CDH12: variants seen among roughly 807,000 people sequenced by gnomAD.
CDH12 encodes cadherin-12.
CDH12 carries 41 observed loss-of-function variants against 74.1 expected under a neutral mutation model. The ratio of observed to expected loss-of-function variants is 0.55; its 90% confidence interval spans 0.43 to 0.72. CDH12 has a LOEUF of 0.72. Ranked by LOEUF, CDH12 falls within the 30% of genes least tolerant of loss-of-function variation. The pLI is 0.00. For synonymous variants in CDH12, 399 were observed against 355.0 expected, an observed-to-expected ratio of 1.12 and a Z score of -1.39; for missense variants, 945 against 977.2, an observed-to-expected ratio of 0.97 and a Z score of 0.44.
chr5:22,028,087 A>G (rs954518395), intron 5 of CDH12, among the ~76,000 whole-genome samples: 2 of 152,130 alleles, frequency 1.3e-5, no homozygotes, highest in African/African-American at 4.8e-5. Flanking sequence ...GTAGTCATTC[A>G]GGAGCAAGTT....
intron 3 of CDH12, among the ~76,000 whole-genome samples, chr5:22,398,255 A>G (rs1742549805): frequency 6.6e-6 from 1 of 152,084 alleles, no homozygotes; most frequent in African/African-American, 2.4e-5. Flanking sequence ...GGTTCTCAAT[A>G]TGGAAGCTTA....
chr5:21,951,517 G>A (rs2150101200), intron 6 of CDH12, among the ~76,000 whole-genome samples: 1 of 152,260 alleles, frequency 6.6e-6, no homozygotes, highest in East Asian at 1.9e-4. Context: ...CAAAGTGCTG[G>A]GATTACAGGC....
intron 9 of CDH12, among the ~76,000 whole-genome samples, chr5:21,814,626 A>T (rs1338503156): frequency 1.3e-5 from 2 of 151,010 alleles, no homozygotes; most frequent in African/African-American, 4.8e-5. Context: ...GTGTGTGAAT[A>T]TAAAGTAAGT....
chr5:22,150,086 C>T (rs183585836), intron 4 of CDH12, among the ~76,000 whole-genome samples: 72 of 152,196 alleles, frequency 4.7e-4, no homozygotes, highest in African/African-American at 1.6e-3. Flanking sequence ...TACATGGTTT[C>T]AATGATCGTT....
chr5:22,602,719 AC>A (rs1009386818), intron 1 of CDH12, among the ~76,000 whole-genome samples: 1 of 152,128 alleles, frequency 6.6e-6, no homozygotes, highest in Non-Finnish European at 1.5e-5. Flanking sequence ...ACTATGCATT[AC>A]AGTTACTTCT....
Position 21,940,950 on chromosome 5 carries a change from C to A in CDH12, c.526+34141G>T, listed in dbSNP as rs1352467344. ...ATCTGAGATTATAACATAAAACCCA[C>A]AATTTGTCGGTAAACCATCTTTAAA... On this transcript the variant is annotated intron_variant, in intron 6 of 14. Coordinates refer to ENST00000382254, the MANE Select transcript of CDH12 (RefSeq NM_004061.5). Among the ~76,000 whole-genome samples, 3 of 152,098 alleles carry A rather than the reference C, an allele frequency of 2.0e-5. No homozygotes were observed. The East Asian group carries it at 5.8e-4, about 29-fold the overall frequency.
At chr5:22,056,998 C>T (rs898962771) in intron 5 of CDH12, among the ~76,000 whole-genome samples, 17 of 152,114 alleles carry the variant, frequency 1.1e-4, no homozygotes, top group African/African-American at 3.6e-4. Flanking sequence ...AGCAGTTCTG[C>T]ATGTTCACAA....
At chr5:22,846,242 A>T (rs1737296012) in intron 1 of CDH12, among the ~76,000 whole-genome samples, 1 of 152,178 alleles carries the variant, frequency 6.6e-6, no homozygotes, top group African/African-American at 2.4e-5. Flanking sequence ...GTTTTGAACA[A>T]GTTGGGTTTC....
intron 3 of CDH12, among the ~76,000 whole-genome samples, chr5:22,308,907 G>GGA (rs1380028641): frequency 9.7e-5 from 3 of 30,892 alleles, no homozygotes; most frequent in Admixed American, 4.9e-4. Flanking sequence ...AGGAGAGAGA[G>GGA]GAGAGAGAGA....
At position 21,901,931 on chromosome 5, in the gene CDH12, T is replaced by C. The variant is rs570733510; in HGVS notation, c.527-47141A>G. Reference sequence around the variant, plus strand: ...ACTTTATTGTATAACAGATACTCTATGATAAAAGGGATATATTCTTGTTCT... The same window carrying C: ...ACTTTATTGTATAACAGATACTCTACGATAAAAGGGATATATTCTTGTTCT... On this transcript the variant is annotated intron_variant, in intron 6 of 14. Transcript: ENST00000382254. 2.0e-5 allele frequency among the ~76,000 whole-genome samples: 3 copies of C among 152,230 alleles called. No homozygotes were observed. In the East Asian group the frequency reaches 5.8e-4, roughly 29 times the overall value.
At chr5:22,838,306 T>C (rs1293088066) in intron 1 of CDH12, among the ~76,000 whole-genome samples, 2 of 152,174 alleles carry the variant, frequency 1.3e-5, no homozygotes, top group East Asian at 3.9e-4. Context: ...TGAATGTGCT[T>C]GGATTCCCAG....
intron 2 of CDH12, among the ~76,000 whole-genome samples, chr5:22,446,919 TTG>T (rs1744839139): frequency 6.6e-6 from 1 of 152,106 alleles, no homozygotes; most frequent in South Asian, 2.1e-4. Flanking sequence ...CAATGTCTAT[TTG>T]TTGCAGCTAC....
intron 4 of CDH12, among the ~76,000 whole-genome samples, chr5:22,208,718 C>T (rs1385566654): frequency 6.6e-6 from 1 of 152,100 alleles, no homozygotes; most frequent in Non-Finnish European, 1.5e-5. Context: ...ATTCATTTCT[C>T]ATCAAATCTA....
intron 3 of CDH12, among the ~76,000 whole-genome samples, chr5:22,322,622 C>T (rs1259272440): frequency 6.6e-6 from 1 of 152,148 alleles, no homozygotes; most frequent in East Asian, 1.9e-4. Context: ...TTATTAGGTC[C>T]ATGTGCACTT....
At chr5:22,795,467 T>C (rs1748146624) in intron 1 of CDH12, among the ~76,000 whole-genome samples, 1 of 151,714 alleles carries the variant, frequency 6.6e-6, no homozygotes, top group African/African-American at 2.4e-5. Context: ...TTCTATCTAA[T>C]TGAGCTTTCA....
chr5:21,801,923 T>A (rs976403583), intron 10 of CDH12, among the ~76,000 whole-genome samples: 5 of 152,192 alleles, frequency 3.3e-5, no homozygotes, highest in Non-Finnish European at 1.5e-5. Flanking sequence ...TTGAGTGACA[T>A]GAGAATCAGA....
chr5:21,913,842 C>T (rs1047020482), intron 6 of CDH12, among the ~76,000 whole-genome samples: 7 of 152,050 alleles, frequency 4.6e-5, no homozygotes, highest in African/African-American at 1.4e-4. Context: ...CACCACCATA[C>T]CCAGCTAATA....
At chr5:22,575,544 C>T (rs1356141630) in intron 1 of CDH12, among the ~76,000 whole-genome samples, 3 of 152,048 alleles carry the variant, frequency 2.0e-5, no homozygotes, top group Non-Finnish European at 4.4e-5. Context: ...AGGCATGTGT[C>T]ATCATGCCTG....
rs148088260 is a variant in CDH12 at position 22,340,772 on chromosome 5, T to C, written c.-333+64485A>G. Among the ~76,000 whole-genome samples, 104 of 152,340 alleles carry C rather than the reference T, an allele frequency of 6.8e-4. 3 individuals carry two copies. The East Asian group carries it at 0.016, about 23-fold the overall frequency. ...ATACTTTTACTATCATGGATGGTAA[T>C]AGTAAATTTCTCTGGGAGGTTTTCC... On this transcript the variant is annotated intron_variant, in intron 3 of 14. Coordinates refer to ENST00000382254, the MANE Select transcript of CDH12 (RefSeq NM_004061.5).
Sources: allele counts gnomAD v4.1 joint callset (sites outside exome capture counted in the v4.1 genomes callset), GRCh38; gene constraint gnomAD v4.1.1; transcripts MANE v1.5; gene names NCBI Gene and HGNC (gene_info 2026-07-23, HGNC 2026-07-21).